Variants in ARHGAP32 observed in about 807,000 individuals in gnomAD.
The protein encoded by ARHGAP32 is rho GTPase-activating protein 32.
A neutral mutation model predicts 186.5 loss-of-function variants in ARHGAP32; 51 were observed. The observed-to-expected ratio is 0.27, with a 90% CI of 0.22 to 0.35. ARHGAP32 has a LOEUF of 0.35. Among genes scored for constraint, ARHGAP32 ranks in the 10% least tolerant of loss-of-function variants. The probability of loss-of-function intolerance (pLI) is 1.00; values close to 1 mark genes in which losing one functional copy is unlikely to be tolerated. For missense variants in ARHGAP32, 2,186 were observed against 2,623.5 expected, an observed-to-expected ratio of 0.83 and a Z score of 3.64; for synonymous variants, 950 against 964.3, an observed-to-expected ratio of 0.99 and a Z score of 0.27.
At chr11:129,270,352 G>A (rs531205447) in intron 1 of ARHGAP32, among the ~76,000 whole-genome samples, 4 of 152,302 alleles carry the variant, frequency 2.6e-5, no homozygotes, top group African/African-American at 9.6e-5. Flanking sequence ...GTGGTTGACA[G>A]GGGCTGGGGA....
intron 2 of ARHGAP32, among the ~76,000 whole-genome samples, chr11:129,143,084 T>TATATATATATATATATATATATATATAC (rs1378971288): frequency 6.7e-6 from 1 of 148,556 alleles, no homozygotes; most frequent in Admixed American, 6.7e-5. Context: ...TATATATATA[T>TATATATATATATATATATATATATATAC]ATATAATCAA....
In ARHGAP32 at chr11:128,985,858, G is replaced by GTGTGTGTATATATA. The variant is rs760311247; in HGVS notation, c.1526+144_1526+145insTATATATACACACA. 4.7e-3 allele frequency: 449 copies of GTGTGTGTATATATA among 95,942 alleles called. 1 individual carries two copies. Among genetic ancestry groups the GTGTGTGTATATATA allele is most frequent in the Non-Finnish European group, 7.3e-3 (378 of 52,034 alleles). 5.9% of individuals were successfully genotyped at this position (95,942 alleles called of 1,614,324 possible). A position where few individuals can be genotyped will look rare whatever the true frequency, so the allele number is the denominator to read the frequency against. ...TGTGTGTGTGTGTGTGTGTGTGTGT[G>GTGTGTGTATATATA]TATATATATATATATATATATATAT... On this transcript the variant is annotated intron_variant, in intron 15 of 22. Transcript: ENST00000682385.
chr11:129,095,798 T>A (rs1462352012), intron 5 of ARHGAP32, among the ~76,000 whole-genome samples: 1 of 152,112 alleles, frequency 6.6e-6, no homozygotes, highest in Non-Finnish European at 1.5e-5. Flanking sequence ...AGAATAAGCA[T>A]CCAGGCTGCA....
intron 19 of ARHGAP32, among the ~76,000 whole-genome samples, chr11:128,976,913 T>C (rs930810542): frequency 1.3e-5 from 2 of 152,246 alleles, no homozygotes; most frequent in East Asian, 3.8e-4. Context: ...TTAACTAAGA[T>C]GCTTCTTTCT....
At chr11:129,253,580 G>A (rs1056313466) in intron 1 of ARHGAP32, among the ~76,000 whole-genome samples, 3 of 152,054 alleles carry the variant, frequency 2.0e-5, no homozygotes, top group African/African-American at 7.2e-5. Flanking sequence ...CTAACACATT[G>A]TACTAAGAAC....
At chr11:129,066,939 T>C (rs182312747) in intron 6 of ARHGAP32, 71 bp from the exon 7 acceptor site, 34 of 1,246,100 alleles carry the variant, frequency 2.7e-5, no homozygotes, top group East Asian at 1.3e-4. Context: ...GGCCATATTC[T>C]ATAATGTGAT....
intron 2 of ARHGAP32, among the ~76,000 whole-genome samples, chr11:129,155,430 C>T (rs1435232463): frequency 1.3e-5 from 2 of 152,024 alleles, no homozygotes; most frequent in Non-Finnish European, 2.9e-5. Flanking sequence ...ACAATGACAC[C>T]ACAGCTGTGC....
intron 6 of ARHGAP32, among the ~76,000 whole-genome samples, chr11:129,084,360 A>C (rs1591599368): frequency 1.3e-5 from 2 of 151,874 alleles, no homozygotes; most frequent in South Asian, 2.1e-4. Context: ...AAAAAAAAAA[A>C]AACTACAGAC....
intron 2 of ARHGAP32, among the ~76,000 whole-genome samples, chr11:129,162,291 A>G (rs1210423192): frequency 6.6e-6 from 1 of 152,140 alleles, no homozygotes; most frequent in Non-Finnish European, 1.5e-5. Flanking sequence ...ACTTAAAAGT[A>G]TAATAATAAA....
intron 1 of ARHGAP32, among the ~76,000 whole-genome samples, chr11:129,227,153 T>C (rs1371948777): frequency 6.6e-6 from 1 of 152,076 alleles, no homozygotes; most frequent in Non-Finnish European, 1.5e-5. Context: ...GAACAAAGTT[T>C]TTATATACTA....
chr11:129,092,402 A>C (rs1340221304), intron 6 of ARHGAP32, among the ~76,000 whole-genome samples: 3 of 152,006 alleles, frequency 2.0e-5, no homozygotes, highest in African/African-American at 7.2e-5. Flanking sequence ...TAGATAAAAA[A>C]GATATGATTT....
chr11:129,003,375 A>G (rs966204852), intron 11 of ARHGAP32, among the ~76,000 whole-genome samples: 1 of 152,110 alleles, frequency 6.6e-6, no homozygotes, highest in South Asian at 2.1e-4. Flanking sequence ...TTGTTTTGGT[A>G]TCAGTGTAAT....
intron 11 of ARHGAP32, among the ~76,000 whole-genome samples, chr11:129,004,878 C>T (rs1057275763): frequency 3.3e-5 from 5 of 152,024 alleles, no homozygotes; most frequent in South Asian, 2.1e-4. Context: ...ATGTTATTAT[C>T]GGTAAGTTCA....
chr11:128,999,687 G>A (rs528123712), intron 11 of ARHGAP32, among the ~76,000 whole-genome samples: 3 of 152,172 alleles, frequency 2.0e-5, no homozygotes, highest in East Asian at 3.9e-4. Context: ...TAGACCAGCC[G>A]ACACTTTGGG....
At chr11:129,264,169 T>C (rs945175354) in intron 1 of ARHGAP32, among the ~76,000 whole-genome samples, 1 of 152,138 alleles carries the variant, frequency 6.6e-6, no homozygotes, top group East Asian at 1.9e-4. Flanking sequence ...TATAATCCCA[T>C]GTATATGGGG....
chr11:129,057,019 G>C (rs367596459), intron 10 of ARHGAP32, among the ~76,000 whole-genome samples: 3 of 152,110 alleles, frequency 2.0e-5, no homozygotes, highest in African/African-American at 7.2e-5. Context: ...CCTCTGTGAC[G>C]CACAGCCTCC....
intron 1 of ARHGAP32, among the ~76,000 whole-genome samples, chr11:129,179,184 T>G (rs1383743520): frequency 6.6e-6 from 1 of 151,994 alleles, no homozygotes; most frequent in Non-Finnish European, 1.5e-5. Context: ...CCAAAAAACA[T>G]ATGAAAAAAT....
chr11:129,253,530 T>C (rs574244733), intron 1 of ARHGAP32, among the ~76,000 whole-genome samples: 4 of 152,120 alleles, frequency 2.6e-5, no homozygotes, highest in African/African-American at 7.2e-5. Flanking sequence ...CTAAATTACA[T>C]GTTGAGGAAA....
intron 1 of ARHGAP32, among the ~76,000 whole-genome samples, chr11:129,204,088 T>C (rs991119979): frequency 1.3e-5 from 2 of 150,164 alleles, no homozygotes; most frequent in African/African-American, 4.9e-5. Flanking sequence ...TAATATTTCC[T>C]GAGTTAAAAA....
Sources: gnomAD v4.1 joint callset for allele counts (sites outside exome capture counted in the v4.1 genomes callset) on GRCh38, gnomAD v4.1.1 for gene constraint, MANE v1.5 for transcripts, NCBI Gene and HGNC (gene_info 2026-07-23, HGNC 2026-07-21) for gene names.